Variants in ZMAT4 observed in about 807,000 individuals in gnomAD.
ZMAT4 encodes zinc finger matrin-type protein 4.
Under a neutral mutation model 28.7 loss-of-function variants are expected in ZMAT4, and 17 were observed. The observed-to-expected ratio is 0.59, with a 90% CI of 0.41 to 0.89. ZMAT4 has a LOEUF of 0.89. ZMAT4 is among the 40% of genes least tolerant of loss of function. The probability of loss-of-function intolerance (pLI) is 0.00; values close to 1 mark genes in which losing one functional copy is unlikely to be tolerated. For missense variants in ZMAT4, 240 were observed against 283.8 expected (o/e 0.85, Z 1.11); for synonymous variants, 117 against 109.2 (o/e 1.07, Z -0.44).
chr8:40,639,848 C>A (rs1272422871), intron 5 of ZMAT4, among the ~76,000 whole-genome samples: 1 of 151,800 alleles, frequency 6.6e-6, no homozygotes, highest in Admixed American at 6.6e-5. Context: ...GTGGAAAGAT[C>A]TAGGAGAGAA....
At chr8:40,754,828 C>A (rs1812608530) in intron 3 of ZMAT4, among the ~76,000 whole-genome samples, 1 of 152,042 alleles carries the variant, frequency 6.6e-6, no homozygotes, top group Non-Finnish European at 1.5e-5. Context: ...GCCTGGGCAA[C>A]ATAGTGAGAC....
intron 2 of ZMAT4, among the ~76,000 whole-genome samples, chr8:40,799,211 A>ATGGG: frequency 1.6e-5 from 2 of 125,288 alleles, no homozygotes; most frequent in Admixed American, 8.0e-5. Flanking sequence ...AGATGGGTGG[A>ATGGG]TGGATGGATG....
chr8:40,559,744 CACAA>C (rs776285835), intron 6 of ZMAT4, among the ~76,000 whole-genome samples: 24 of 152,208 alleles, frequency 1.6e-4, no homozygotes, highest in South Asian at 1.0e-3. Context: ...CACACAACCA[CACAA>C]ACAAACACAA....
intron 3 of ZMAT4, among the ~76,000 whole-genome samples, chr8:40,756,861 A>T (rs754649004): frequency 6.6e-6 from 1 of 152,084 alleles, no homozygotes; most frequent in Non-Finnish European, 1.5e-5. Flanking sequence ...TTTGATATAC[A>T]TTGGTGATCT....
intron 2 of ZMAT4, among the ~76,000 whole-genome samples, chr8:40,821,184 C>T (rs1044275673): frequency 6.6e-6 from 1 of 152,018 alleles, no homozygotes. Flanking sequence ...ACCACTCCTT[C>T]ATTCATACAA....
intron 3 of ZMAT4, among the ~76,000 whole-genome samples, chr8:40,757,447 A>G (rs973940648): frequency 6.6e-6 from 1 of 152,070 alleles, no homozygotes; most frequent in Non-Finnish European, 1.5e-5. Context: ...TTAGCCGGGC[A>G]TGATGGCACG....
intron 6 of ZMAT4, among the ~76,000 whole-genome samples, chr8:40,572,301 G>T (rs1015191433): frequency 6.6e-6 from 1 of 151,980 alleles, no homozygotes; most frequent in Non-Finnish European, 1.5e-5. Flanking sequence ...TAAATAATAC[G>T]AGGCTTTTGT....
chr8:40,893,009 G>A (rs928230529), intron 1 of ZMAT4, among the ~76,000 whole-genome samples: 2 of 152,192 alleles, frequency 1.3e-5, no homozygotes, highest in Non-Finnish European at 2.9e-5. Flanking sequence ...ATCTCTTGCT[G>A]ATGGAAAATT....
chr8:40,736,954 G>A (rs1215108736), intron 3 of ZMAT4, among the ~76,000 whole-genome samples: 2 of 152,220 alleles, frequency 1.3e-5, no homozygotes, highest in East Asian at 3.9e-4. Flanking sequence ...GGGAATAGAG[G>A]TAGCTCTGAC....
chr8:40,799,079 C>CTGGATGGA (rs59636035), intron 2 of ZMAT4, among the ~76,000 whole-genome samples: 2 of 150,168 alleles, frequency 1.3e-5, no homozygotes, highest in African/African-American at 4.9e-5. Context: ...GGCTGGCTGG[C>CTGGATGGA]TGGATGGATG....
intron 5 of ZMAT4, among the ~76,000 whole-genome samples, chr8:40,594,787 C>T (rs1229621704): frequency 6.6e-6 from 1 of 152,190 alleles, no homozygotes; most frequent in Non-Finnish European, 1.5e-5. Context: ...TGGCAGGCTG[C>T]CTTCTCTACA....
At chr8:40,751,185 A>G (rs1030491167) in intron 3 of ZMAT4, among the ~76,000 whole-genome samples, 3 of 152,186 alleles carry the variant, frequency 2.0e-5, no homozygotes, top group African/African-American at 7.2e-5. Context: ...CTGCAAATCA[A>G]CTTTATTAAG....
chr8:40,619,064 C>A (rs1483395705), intron 5 of ZMAT4, among the ~76,000 whole-genome samples: 1 of 152,166 alleles, frequency 6.6e-6, no homozygotes, highest in East Asian at 1.9e-4. Context: ...GGGTCAGTAA[C>A]CAATTCCTGA....
chr8:40,760,368 C>T (rs1812873735), intron 3 of ZMAT4, among the ~76,000 whole-genome samples: 1 of 152,096 alleles, frequency 6.6e-6, no homozygotes, highest in Non-Finnish European at 1.5e-5. Flanking sequence ...CATACACTTG[C>T]TTCTGCAAAT....
In ZMAT4 at chr8:40,549,739, T is replaced by C. The variant is rs188178703; in HGVS notation, c.675-17501A>G. Among the ~76,000 whole-genome samples the C allele has an allele frequency of 5.4e-4, 82 of 152,280 alleles. 1 individual carries two copies. The highest frequency in any genetic ancestry group is 2.0e-3 in the Admixed American group (31 of 15,288). On this transcript the variant is annotated intron_variant, in intron 6 of 6. Coordinates refer to ENST00000297737, the MANE Select transcript of ZMAT4 (RefSeq NM_024645.3). ...CTAATATGTCCACTAACTGATTTATTTGAAGGAAAAAAAAACTAATTGAGT... is the reference window on the plus strand; with the variant it reads ...CTAATATGTCCACTAACTGATTTATCTGAAGGAAAAAAAAACTAATTGAGT...
intron 6 of ZMAT4, 86 bp from the exon 7 acceptor site, chr8:40,532,324 C>T (rs967907466): frequency 8.8e-7 from 1 of 1,130,934 alleles, no homozygotes; most frequent in Admixed American, 2.5e-5. Context: ...CCCTGTCTCT[C>T]TTCTACTTCT....
At chr8:40,829,712 AG>A (rs1373003605) in intron 1 of ZMAT4, among the ~76,000 whole-genome samples, 20 of 152,198 alleles carry the variant, frequency 1.3e-4, no homozygotes, top group Non-Finnish European at 4.4e-5. Context: ...GGGGATGGAA[AG>A]TGATATAGGA....
At chr8:40,657,929 A>T (rs577692389) in intron 5 of ZMAT4, among the ~76,000 whole-genome samples, 85 of 152,284 alleles carry the variant, frequency 5.6e-4, no homozygotes, top group African/African-American at 1.9e-3. Flanking sequence ...CATATGAAAG[A>T]CTTTTGACAT....
chr8:40,600,348 C>A (rs1398853547), intron 5 of ZMAT4, among the ~76,000 whole-genome samples: 1 of 152,226 alleles, frequency 6.6e-6, no homozygotes, highest in Non-Finnish European at 1.5e-5. Context: ...TTCTGTTATT[C>A]TGACCTCCAT....
Sources: allele counts gnomAD v4.1 joint callset (sites outside exome capture counted in the v4.1 genomes callset), GRCh38; gene constraint gnomAD v4.1.1; transcripts MANE v1.5; gene names NCBI Gene and HGNC (gene_info 2026-07-23, HGNC 2026-07-21).